Variants in AFAP1L1 observed in about 807,000 individuals in gnomAD.
AFAP1L1 encodes actin filament associated protein 1 like 1, also known as actin filament-associated protein 1-like 1.
AFAP1L1 carries 77 observed loss-of-function variants against 99.8 expected under a neutral mutation model. That is an observed-to-expected ratio of 0.77 (90% CI 0.64 to 0.93). The LOEUF is 0.93. AFAP1L1 is among the 40% of genes least tolerant of loss of function. AFAP1L1 has a pLI of 0.00. For missense variants in AFAP1L1, 893 were observed against 996.8 expected (o/e 0.90, Z 1.40); for synonymous variants, 373 against 395.3 (o/e 0.94, Z 0.67).
intron 1 of AFAP1L1, among the ~76,000 whole-genome samples, chr5:149,290,287 G>A (rs946386261): frequency 4.6e-5 from 7 of 152,142 alleles, no homozygotes; most frequent in South Asian, 4.1e-4. Flanking sequence ...AGCAGAATAC[G>A]TCTTATAGTA....
rs1419838821 is a variant in AFAP1L1, at chr5:149,279,648, TA to T, written c.16+7668del. On this transcript the variant is annotated intron_variant, in intron 1 of 18. Transcript: ENST00000296721. ...CCCTTCAGTGGTTTCTCATTGTTTA[TA>T]AAACATCAGCTACTGTCCTTGTGGT... Among the ~76,000 whole-genome samples, 4 of 152,368 alleles carry T rather than the reference TA, an allele frequency of 2.6e-5. No individual in the cohort carries two copies. In the East Asian group the frequency reaches 5.8e-4, roughly 22 times the overall value.
chr5:149,333,891 T>A (rs145289358), intron 17 of AFAP1L1, among the ~76,000 whole-genome samples: 366 of 151,750 alleles, frequency 2.4e-3, no homozygotes, highest in African/African-American at 8.5e-3. Flanking sequence ...TCATAGCACT[T>A]AACCACAATT....
intron 1 of AFAP1L1, among the ~76,000 whole-genome samples, chr5:149,299,265 G>T (rs1265906680): frequency 2.6e-5 from 4 of 152,158 alleles, no homozygotes; most frequent in South Asian, 2.1e-4. Flanking sequence ...TCCAGTCCTT[G>T]GGCCAAGGCC....
intron 1 of AFAP1L1, chr5:149,276,721 T>G (rs1351953152): frequency 6.6e-6 from 1 of 152,262 alleles, no homozygotes; most frequent in Non-Finnish European, 1.5e-5. Context: ...GAACTTCACT[T>G]GCTTCTTCCA....
intron 6 of AFAP1L1, among the ~76,000 whole-genome samples, 199 bp from the exon 7 acceptor site, chr5:149,307,203 C>T (rs901245314): frequency 2.0e-5 from 3 of 152,008 alleles, no homozygotes; most frequent in Non-Finnish European, 2.9e-5. Context: ...GCCGAGATCA[C>T]GCCACTGTAC....
intron 18 of AFAP1L1, among the ~76,000 whole-genome samples, chr5:149,338,589 T>TG (rs1361960606): frequency 6.6e-6 from 1 of 152,226 alleles, no homozygotes; most frequent in Non-Finnish European, 1.5e-5. Flanking sequence ...AAATATTTGT[T>TG]GAAGACCTAC....
chr5:149,294,249 G>A (rs1303357195), intron 1 of AFAP1L1, among the ~76,000 whole-genome samples: 3 of 152,152 alleles, frequency 2.0e-5, no homozygotes, highest in African/African-American at 7.2e-5. Flanking sequence ...CTGGATAGGA[G>A]GTCTGGGAAT....
rs142531986 is a variant in AFAP1L1 at position 149,309,978 on chromosome 5, G to A, written c.770G>A (p.Arg257Gln). The change falls in exon 8 of 19, where the codon CGG becomes CAG. Residue 257 changes from arginine to glutamine, a missense_variant. By Grantham distance (43) the Arg-to-Gln change is conservative (BLOSUM62 1). Coordinates refer to ENST00000296721, the MANE Select transcript of AFAP1L1 (RefSeq NM_152406.4). Reference protein sequence around the residue: ...QLLCYKSSKDRQPHLRLALDT... With the variant: ...QLLCYKSSKDQQPHLRLALDT... ...CAGTGTTACAAAAGCTCCAAGGATC[G>A]GCAGCCACATCTGAGGTTGGCACTG... 36 of 1,614,044 alleles carry A rather than the reference G, an allele frequency of 2.2e-5. No individual in the cohort carries two copies. Among genetic ancestry groups the A allele is most frequent in the Admixed American group, 1.0e-4 (6 of 60,006 alleles).
intron 16 of AFAP1L1, 104 bp from the exon 17 acceptor site, chr5:149,332,591 G>T: frequency 7.8e-7 from 1 of 1,277,910 alleles, no homozygotes. Flanking sequence ...ACTGGGGGCT[G>T]GAAGGGCCCT....
At chr5:149,322,545 A>G (rs759043941) in intron 14 of AFAP1L1, 61 bp from the exon 15 acceptor site, 2 of 1,252,122 alleles carry the variant, frequency 1.6e-6, no homozygotes, top group Admixed American at 4.5e-5. Flanking sequence ...ACCGCAATAC[A>G]CCCTGCATTG....
intron 7 of AFAP1L1, 102 bp from the exon 8 acceptor site, chr5:149,309,854 C>G: frequency 6.8e-7 from 1 of 1,467,716 alleles, no homozygotes; most frequent in Non-Finnish European, 9.4e-7. Context: ...TGGGGGAGGT[C>G]TCTAAAGGGA....
chr5:149,302,588 T>C, intron 5 of AFAP1L1, 62 bp downstream of exon 5: 3 of 1,375,924 alleles, frequency 2.2e-6, no homozygotes, highest in Non-Finnish European at 2.0e-6. Context: ...CAAATTTAAG[T>C]TCCTCTGTGT....
chr5:149,271,963 G>A lies in AFAP1L1; in HGVS notation c.-6G>A. The stretch of plus-strand genomic sequence containing the variant: ...CGGCCCGCTCCCCGGGGACCGGGCC[G>A]GCGCCATGGACCGAGGCCAGGGTAA... On this transcript the variant is annotated 5_prime_UTR_variant, in exon 1 of 19. Transcript: ENST00000296721. The A allele has an allele frequency of 8.1e-7, 1 of 1,234,852 alleles. No homozygotes were observed. The highest frequency in any genetic ancestry group is 1.6e-5 in the African/African-American group (1 of 64,338). 76.5% of individuals were successfully genotyped at this position (1,234,852 alleles called of 1,614,324 possible). A position where few individuals can be genotyped will look rare whatever the true frequency, so the allele number is the denominator to read the frequency against.
At chr5:149,302,356 C>T in intron 4 of AFAP1L1, 62 bp from the exon 5 acceptor site, 1 of 1,279,308 alleles carries the variant, frequency 7.8e-7, no homozygotes, top group South Asian at 1.4e-5. Flanking sequence ...CCTCCCTCTC[C>T]CTCAGCCTCT....
intron 1 of AFAP1L1, among the ~76,000 whole-genome samples, 164 bp downstream of exon 1, chr5:149,272,148 T>C (rs12054749): frequency 0.57 from 87,253 of 151,952 alleles, 25,671 homozygotes; most frequent in East Asian, 0.75. Context: ...AAAGGTGCCT[T>C]CGGCTGCCGG....
chr5:149,332,631 C>G, intron 16 of AFAP1L1, 64 bp from the exon 17 acceptor site: 3 of 1,549,310 alleles, frequency 1.9e-6, no homozygotes, highest in Non-Finnish European at 2.6e-6. Flanking sequence ...GCCTGAGGCC[C>G]TGCCAGATTC....
intron 1 of AFAP1L1, among the ~76,000 whole-genome samples, chr5:149,280,308 C>A (rs10050711): frequency 4.2e-4 from 64 of 152,270 alleles, no homozygotes; most frequent in African/African-American, 1.5e-3. Flanking sequence ...ATAGGAGCTT[C>A]CTGTTTCTGC....
intron 1 of AFAP1L1, among the ~76,000 whole-genome samples, chr5:149,292,908 C>A (rs1755902873): frequency 6.6e-6 from 1 of 152,174 alleles, no homozygotes; most frequent in South Asian, 2.1e-4. Flanking sequence ...GCGTTACTAC[C>A]CCTCTGTCTA....
intron 15 of AFAP1L1, among the ~76,000 whole-genome samples, chr5:149,327,441 C>G (rs1190981372): frequency 6.6e-6 from 1 of 152,006 alleles, no homozygotes; most frequent in East Asian, 1.9e-4. Context: ...CTACACTAGA[C>G]TGTACACTAC....
Sources: allele counts gnomAD v4.1 joint callset (sites outside exome capture counted in the v4.1 genomes callset), GRCh38; gene constraint gnomAD v4.1.1; transcripts MANE v1.5; gene names NCBI Gene and HGNC (gene_info 2026-07-23, HGNC 2026-07-21).